CDC45: variants seen among roughly 807,000 people sequenced by gnomAD.
CDC45 encodes the protein cell division control protein 45 homolog.
Under a neutral mutation model 77.8 loss-of-function variants are expected in CDC45, and 54 were observed. That is an observed-to-expected ratio of 0.69 (90% CI 0.56 to 0.87). The LOEUF (loss-of-function observed/expected upper bound fraction) is 0.87. CDC45 is among the 40% of genes least tolerant of loss of function. The pLI is 0.00. For missense variants in CDC45, 649 were observed against 721.6 expected (o/e 0.90, Z 1.15); for synonymous variants, 260 against 272.1 (o/e 0.96, Z 0.44).
intron 15 of CDC45, among the ~76,000 whole-genome samples, chr22:19,515,607 A>G (rs1933743780): frequency 6.6e-6 from 1 of 152,222 alleles, no homozygotes; most frequent in Non-Finnish European, 1.5e-5. Context: ...AAAATGTGCT[A>G]ACAGGAAGTT....
chr22:19,488,635 G>A (rs544965304), intron 5 of CDC45, among the ~76,000 whole-genome samples: 1 of 152,270 alleles, frequency 6.6e-6, no homozygotes, highest in South Asian at 2.1e-4. Flanking sequence ...CTCAGGCTGT[G>A]GGAATTTTGT....
In CDC45 at chr22:19,520,595, T is replaced by C. The variant is rs1044825429; in HGVS notation, c.*116T>C. The C allele has an allele frequency of 1.6e-4, 25 of 152,366 alleles. 1 individual carries two copies. Among genetic ancestry groups the C allele is most frequent in the Admixed American group, 1.6e-3 (25 of 15,308 alleles). 9.4% of individuals were successfully genotyped at this position (152,366 alleles called of 1,614,324 possible). On this transcript the variant is annotated 3_prime_UTR_variant, in exon 19 of 19. Transcript: ENST00000263201. The surrounding 1 kb of genome is among the most constrained non-coding windows in gnomAD (Gnocchi z 4.5). ...CATTTTTTATTAAATAAAATGCTTA[T>C]TTTAGGCTCCGTCCCCATTGTGGCT...
intron 18 of CDC45, among the ~76,000 whole-genome samples, chr22:19,519,952 C>T (rs561080835): frequency 6.6e-6 from 1 of 152,316 alleles, no homozygotes; most frequent in Admixed American, 6.5e-5. Context: ...AGCCTGTTTC[C>T]TCATCCAAAA....
chr22:19,492,415 T>TTTTC lies in CDC45; in HGVS notation c.487-1897_487-1894dup, dbSNP rs768065502. Among the ~76,000 whole-genome samples the TTTTC allele has an allele frequency of 3.9e-4, 59 of 152,170 alleles. 1 individual carries two copies. Among genetic ancestry groups the TTTTC allele is most frequent in the African/African-American group, 7.7e-4 (32 of 41,572 alleles). On this transcript the variant is annotated intron_variant, in intron 5 of 18. Coordinates refer to ENST00000263201, the MANE Select transcript of CDC45 (RefSeq NM_003504.5). ...CTAAACTTTCTTCTATATATATATATTTTCTTTCTTTCTTTCTTAAACTTT... is the reference window on the plus strand; with the variant it reads ...CTAAACTTTCTTCTATATATATATATTTTCTTTCTTTCTTTCTTTCTTAAACTTT...
chr22:19,516,498 C>T (rs1181637626), intron 15 of CDC45, 29 bp from the exon 16 acceptor site: 1 of 1,576,116 alleles, frequency 6.3e-7, no homozygotes, highest in Non-Finnish European at 8.7e-7. Context: ...CCACCATACC[C>T]TGACGGAGGG....
Position 19,497,647 on chromosome 22 carries a change from T to C in CDC45, c.653+200T>C, listed in dbSNP as rs117931986. ...TGGGAGCTTCACACAAACATGGGACTTGGAGTGTCGGAGAATGCAGAGGAA... is the reference window on the plus strand; with the variant it reads ...TGGGAGCTTCACACAAACATGGGACCTGGAGTGTCGGAGAATGCAGAGGAA... On this transcript the variant is annotated intron_variant, in intron 8 of 18. Coordinates refer to ENST00000263201, the MANE Select transcript of CDC45 (RefSeq NM_003504.5). Among the ~76,000 whole-genome samples, 223 of 152,298 alleles carry C rather than the reference T, an allele frequency of 1.5e-3. 4 individuals carry two copies. The East Asian group carries it at 0.04, about 27-fold the overall frequency.
Position 19,497,102 on chromosome 22 carries a change from C to T in CDC45, c.592-284C>T, listed in dbSNP as rs150654551. On this transcript the variant is annotated intron_variant, in intron 7 of 18. Coordinates refer to ENST00000263201, the MANE Select transcript of CDC45 (RefSeq NM_003504.5). The stretch of plus-strand genomic sequence containing the variant: ...AAGAGGCCCCAGCCAGTGCTGCACC[C>T]GGGCTGCCCCTACCAAGTGAATTCT... 3.4e-3 allele frequency among the ~76,000 whole-genome samples: 517 copies of T among 152,312 alleles called. 19 individuals are homozygous for T. In the East Asian group the frequency reaches 0.069, roughly 20 times the overall value.
intron 5 of CDC45, among the ~76,000 whole-genome samples, chr22:19,484,731 C>A (rs1334562922): frequency 6.6e-6 from 1 of 152,144 alleles, no homozygotes; most frequent in Non-Finnish European, 1.5e-5. Context: ...CTTTTTGAGC[C>A]ATATTTGAGA....
chr22:19,500,776 A>C lies in CDC45; in HGVS notation c.704+1625A>C, dbSNP rs1198814073. ...ATTGAAGATCTCCTCCCATCTCCTT[A>C]CTTGGTGCCCTGCAATCATGAAACT... On this transcript the variant is annotated intron_variant, in intron 9 of 18. Coordinates refer to ENST00000263201, the MANE Select transcript of CDC45 (RefSeq NM_003504.5). Among the ~76,000 whole-genome samples the C allele has an allele frequency of 2.0e-5, 3 of 152,152 alleles. No homozygotes were observed. The East Asian group carries it at 5.8e-4, about 29-fold the overall frequency.
chr22:19,494,179 C>T (rs918266026), intron 5 of CDC45, 148 bp from the exon 6 acceptor site: 12 of 697,318 alleles, frequency 1.7e-5, no homozygotes, highest in Non-Finnish European at 2.8e-5. Flanking sequence ...TCCGTAGGAA[C>T]AGGCTGTGCT....
rs751496234 is a variant in CDC45 at position 19,514,785 on chromosome 22, C to G, written c.1254C>G (p.Leu418=). 6.2e-7 allele frequency: 1 copy of G among 1,613,694 alleles called. No individual in the cohort carries two copies. Among genetic ancestry groups the G allele is most frequent in the Non-Finnish European group, 8.5e-7 (1 of 1,179,780 alleles). ...NLDKLYHGLE[L]AKKQLRATQQ... ...ACAAGCTGTACCATGGCCTGGAACT[C>G]GCCAAGAAGCAGCTGCGAGCCACCC... The change falls in exon 14 of 19, where the codon CTC becomes CTG. Residue 418 remains leucine (L), a synonymous_variant. Transcript: ENST00000263201.
intron 13 of CDC45, 119 bp downstream of exon 13, chr22:19,508,810 T>C (rs1207450034): frequency 2.3e-6 from 2 of 871,466 alleles, no homozygotes; most frequent in Admixed American, 2.4e-5. Flanking sequence ...AGAAACTGCT[T>C]GGGTGAACTG....
chr22:19,511,098 G>A (rs1379049692), intron 13 of CDC45, among the ~76,000 whole-genome samples: 1 of 152,128 alleles, frequency 6.6e-6, no homozygotes, highest in Non-Finnish European at 1.5e-5. Context: ...CACAGCAGCT[G>A]CACCATTTTA....
At chr22:19,486,474 C>G (rs1357415296) in intron 5 of CDC45, among the ~76,000 whole-genome samples, 1 of 151,930 alleles carries the variant, frequency 6.6e-6, no homozygotes, top group African/African-American at 2.4e-5. Context: ...TTTTTAATGA[C>G]ATTGAAGGCC....
chr22:19,482,700 T>C lies in CDC45; in HGVS notation c.215T>C (p.Phe72Ser), dbSNP rs1262629632. Residue 72 changes from phenylalanine to serine, a missense_variant, in exon 4 of 19, where the codon TTT becomes TCT. Transcript: ENST00000263201. Reference sequence around the variant, plus strand: ...CTTCCTTTTTTTCAGTTTCATTATTTTATTCTCATAAACTGTGGAGCTAAT... The same window carrying C: ...CTTCCTTTTTTTCAGTTTCATTATTCTATTCTCATAAACTGTGGAGCTAAT... Reference protein sequence around the residue: ...FLEHKEQFHYFILINCGANVD... With the variant: ...FLEHKEQFHYSILINCGANVD... 1 of 1,613,032 alleles carries C rather than the reference T, an allele frequency of 6.2e-7. No homozygotes were observed. The highest frequency in any genetic ancestry group is 1.7e-5 in the Admixed American group (1 of 59,908).
In CDC45 at chr22:19,487,119, C is replaced by A. The variant is rs551063741; in HGVS notation, c.486+3114C>A. Among the ~76,000 whole-genome samples, 6 of 151,916 alleles carry A rather than the reference C, an allele frequency of 3.9e-5. No homozygotes were observed. In the East Asian group the frequency reaches 7.9e-4, roughly 20 times the overall value. ...GACCAGCCTGACCAACATGGAGAAA[C>A]CCTGTCTCTACTAAATACAAAAATT... On this transcript the variant is annotated intron_variant, in intron 5 of 18. Coordinates refer to ENST00000263201, the MANE Select transcript of CDC45 (RefSeq NM_003504.5).
At chr22:19,519,001 C>T (rs2146454367) in intron 18 of CDC45, 92 bp downstream of exon 18, 1 of 980,148 alleles carries the variant, frequency 1.0e-6, no homozygotes, top group Non-Finnish European at 1.6e-6. Flanking sequence ...ACGGAGGCTT[C>T]TACTTGGGTT....
At chr22:19,480,253 G>C in intron 2 of CDC45, 36 bp downstream of exon 2, 1 of 1,598,750 alleles carries the variant, frequency 6.3e-7, no homozygotes, top group Non-Finnish European at 8.6e-7. Context: ...CGGGGCCGGC[G>C]CGCGAGGTGA....
At chr22:19,496,438 G>C (rs1203602241) in intron 7 of CDC45, among the ~76,000 whole-genome samples, 1 of 152,222 alleles carries the variant, frequency 6.6e-6, no homozygotes, top group African/African-American at 2.4e-5. Context: ...TATGTCAATA[G>C]TGTTGAGCAG....
Sources: gnomAD v4.1 joint callset for allele counts (sites outside exome capture counted in the v4.1 genomes callset) on GRCh38, gnomAD v4.1.1 for gene constraint, Gnocchi (gnomAD v3.1) non-coding constraint, MANE v1.5 for transcripts, NCBI Gene and HGNC (gene_info 2026-07-23, HGNC 2026-07-21) for gene names.